The following ZMIZ1 variants were observed in gnomAD, a reference collection of about 807,000 sequenced individuals.
The protein encoded by ZMIZ1 is zinc finger MIZ-type containing 1.
Under a neutral mutation model 113.9 loss-of-function variants are expected in ZMIZ1, and 17 were observed. The observed-to-expected ratio is 0.15, with a 90% confidence interval of 0.10 to 0.22. ZMIZ1 has a LOEUF of 0.22. Among genes scored for constraint, ZMIZ1 ranks in the 10% least tolerant of loss-of-function variants. The pLI, the probability that ZMIZ1 is intolerant of heterozygous loss-of-function variation, is 1.00. For missense variants in ZMIZ1, 1,059 were observed against 1,477.8 expected, an observed-to-expected ratio of 0.72 and a Z score of 4.65; for synonymous variants, 607 against 603.1, an observed-to-expected ratio of 1.01 and a Z score of -0.09.
At position 79,236,424 on chromosome 10, in the gene ZMIZ1, T is replaced by C. The variant is rs181963772; in HGVS notation, c.280+20150T>C. ...TTATGTCAGTCCAACCCTGGGGCCA[T>C]TCGGAAGCCCCCATCAAAGCTGTGT... On this transcript the variant is annotated intron_variant, in intron 7 of 24. Transcript: ENST00000334512. Among the ~76,000 whole-genome samples the C allele has an allele frequency of 1.5e-3, 229 of 152,298 alleles. 2 individuals are homozygous for C. Among genetic ancestry groups the C allele is most frequent in the African/African-American group, 5.3e-3 (221 of 41,554 alleles).
At chr10:79,200,183 C>T (rs2132649015) in intron 4 of ZMIZ1, among the ~76,000 whole-genome samples, 2 of 152,268 alleles carry the variant, frequency 1.3e-5, no homozygotes, top group South Asian at 2.1e-4. Flanking sequence ...AGGCTTAGGG[C>T]CCCAGGTCTC....
chr10:79,287,123 T>A (rs1456121276), intron 8 of ZMIZ1, among the ~76,000 whole-genome samples: 1 of 152,198 alleles, frequency 6.6e-6, no homozygotes, highest in African/African-American at 2.4e-5. Flanking sequence ...GCGTGACCTG[T>A]AGAGCCTCCC....
At chr10:79,255,375 T>C (rs774817461) in intron 7 of ZMIZ1, among the ~76,000 whole-genome samples, 2 of 152,210 alleles carry the variant, frequency 1.3e-5, no homozygotes, top group African/African-American at 2.4e-5. Flanking sequence ...CCCACCCTTC[T>C]TCGGGAATGG....
At chr10:79,110,960 G>T (rs1447285225) in intron 1 of ZMIZ1, among the ~76,000 whole-genome samples, 1 of 152,246 alleles carries the variant, frequency 6.6e-6, no homozygotes, top group African/African-American at 2.4e-5. Context: ...GCACTCACCT[G>T]TGCTTCCAGA....
chr10:79,249,428 A>G (rs1269415159), intron 7 of ZMIZ1, among the ~76,000 whole-genome samples: 2 of 152,264 alleles, frequency 1.3e-5, no homozygotes, highest in African/African-American at 4.8e-5. Flanking sequence ...GAGCATGAGG[A>G]CATGGCGGCC....
intron 1 of ZMIZ1, among the ~76,000 whole-genome samples, chr10:79,084,278 T>G (rs1250171278): frequency 6.6e-6 from 1 of 152,206 alleles, no homozygotes; most frequent in Non-Finnish European, 1.5e-5. Context: ...CACACTCTAT[T>G]GCAAGGGATC....
rs60419105 is a variant in ZMIZ1 at position 79,132,923 on chromosome 10, C to T, written c.-226-6759C>T. Among the ~76,000 whole-genome samples, 1,490 of 152,306 alleles carry T rather than the reference C, an allele frequency of 9.8e-3. 26 individuals carry two copies. The highest frequency in any genetic ancestry group is 0.034 in the African/African-American group (1,406 of 41,558). On this transcript the variant is annotated intron_variant, in intron 2 of 24. Transcript: ENST00000334512. ...CCTGTCCCTGTAATCAGGTTAGCCT[C>T]CTGCTCCGATGAGCTGGACCAGCTG...
intron 7 of ZMIZ1, chr10:79,243,749 G>A (rs1411261137): frequency 3.9e-6 from 1 of 254,044 alleles, no homozygotes; most frequent in Admixed American, 6.3e-5. Flanking sequence ...GTAAGTGCGG[G>A]GTCGGAGGGG....
intron 4 of ZMIZ1, among the ~76,000 whole-genome samples, chr10:79,163,928 G>A (rs1433778591): frequency 1.3e-5 from 2 of 152,186 alleles, no homozygotes; most frequent in Non-Finnish European, 2.9e-5. Context: ...CTTTTCGGAT[G>A]TTTTTCAAGG....
chr10:79,125,105 C>A (rs943680773), intron 2 of ZMIZ1, among the ~76,000 whole-genome samples: 15 of 152,346 alleles, frequency 9.8e-5, no homozygotes, highest in Admixed American at 8.5e-4. Flanking sequence ...CTTCAGCAAC[C>A]CAGGCACCTC....
At chr10:79,298,734 G>A (rs531112500) in intron 15 of ZMIZ1, among the ~76,000 whole-genome samples, 154 bp downstream of exon 15, 45 of 152,336 alleles carry the variant, frequency 3.0e-4, no homozygotes, top group Admixed American at 2.9e-3. Flanking sequence ...CTCAAGGCGG[G>A]GTAGGCAGCT....
At chr10:79,210,689 G>C (rs1848493527) in intron 6 of ZMIZ1, among the ~76,000 whole-genome samples, 1 of 152,240 alleles carries the variant, frequency 6.6e-6, no homozygotes, top group Admixed American at 6.5e-5. Context: ...GGCAGAGGAA[G>C]GAGGTGTAAA....
At chr10:79,261,397 G>A (rs1214324548) in intron 7 of ZMIZ1, among the ~76,000 whole-genome samples, 5 of 152,212 alleles carry the variant, frequency 3.3e-5, no homozygotes, top group African/African-American at 4.8e-5. Flanking sequence ...GAGAGCAGGC[G>A]CTGGAGGGGG....
chr10:79,255,501 G>A (rs1850830396), intron 7 of ZMIZ1, among the ~76,000 whole-genome samples: 1 of 152,186 alleles, frequency 6.6e-6, no homozygotes, highest in African/African-American at 2.4e-5. Flanking sequence ...GCACCTCTGT[G>A]TATATCTGCG....
intron 1 of ZMIZ1, among the ~76,000 whole-genome samples, chr10:79,095,754 A>G (rs1843147377): frequency 6.6e-6 from 1 of 152,198 alleles, no homozygotes; most frequent in African/African-American, 2.4e-5. Flanking sequence ...TCAGGGTGCA[A>G]TCAATTTCTT....
chr10:79,261,106 G>T lies in ZMIZ1; in HGVS notation c.281-16075G>T, dbSNP rs558436797. Among the ~76,000 whole-genome samples, 10 of 152,300 alleles carry T rather than the reference G, an allele frequency of 6.6e-5. No homozygotes were observed. In the East Asian group the frequency reaches 1.9e-3, roughly 29 times the overall value. Reference sequence around the variant, plus strand: ...CAGAAAGGCCCAGACTCTGCACTCCGGCTCCCCCAAGGGTAGTTGGATGTG... The same window carrying T: ...CAGAAAGGCCCAGACTCTGCACTCCTGCTCCCCCAAGGGTAGTTGGATGTG... On this transcript the variant is annotated intron_variant, in intron 7 of 24. Transcript: ENST00000334512.
intron 1 of ZMIZ1, among the ~76,000 whole-genome samples, chr10:79,073,662 T>G (rs1290803029): frequency 1.3e-5 from 2 of 151,802 alleles, no homozygotes; most frequent in Non-Finnish European, 2.9e-5. Flanking sequence ...CACATTCAAG[T>G]GGCTGCTTCT....
intron 7 of ZMIZ1, among the ~76,000 whole-genome samples, chr10:79,230,197 G>C (rs185038699): frequency 1.4e-5 from 2 of 139,626 alleles, no homozygotes; most frequent in African/African-American, 2.7e-5. Context: ...CACTCTCCCC[G>C]TCTCCTTTCT....
intron 8 of ZMIZ1, among the ~76,000 whole-genome samples, chr10:79,282,790 G>A (rs142801642): frequency 6.6e-4 from 101 of 152,326 alleles, no homozygotes; most frequent in African/African-American, 2.4e-3. Context: ...GTTTGTGGAC[G>A]TCTGTAGGCT....
Sources: allele counts gnomAD v4.1 joint callset (sites outside exome capture counted in the v4.1 genomes callset), GRCh38; gene constraint gnomAD v4.1.1; transcripts MANE v1.5; gene names NCBI Gene and HGNC (gene_info 2026-07-23, HGNC 2026-07-21).